The following TESK2 variants were observed in gnomAD, a reference collection of about 807,000 sequenced individuals.
The protein encoded by TESK2 is testis associated actin remodelling kinase 2.
A neutral mutation model predicts 57.1 loss-of-function variants in TESK2; 39 were observed. That is an observed-to-expected ratio of 0.68 (90% CI 0.53 to 0.89). TESK2 has a LOEUF of 0.89. Among genes scored for constraint, TESK2 ranks in the 40% least tolerant of loss-of-function variants. TESK2 has a pLI of 0.00. For missense variants in TESK2, 646 were observed against 732.1 expected, an observed-to-expected ratio of 0.88 and a Z score of 1.36; for synonymous variants, 249 against 267.9, an observed-to-expected ratio of 0.93 and a Z score of 0.69.
In TESK2 at chr1:45,409,690, T is replaced by C. The variant is rs76225611; in HGVS notation, c.344+12035A>G. 6.4e-4 allele frequency among the ~76,000 whole-genome samples: 97 copies of C among 152,246 alleles called. 1 individual carries two copies. Among genetic ancestry groups the C allele is most frequent in the Middle Eastern group, 3.4e-3 (1 of 294 alleles). On this transcript the variant is annotated intron_variant, in intron 3 of 10. Transcript: ENST00000372086. ...AAAGACTCAGGACATATTTTGAAGA[T>C]AATGCTGAACTACTTGATGGTTTGA...
intron 1 of TESK2, among the ~76,000 whole-genome samples, chr1:45,461,676 A>C (rs1484059930): frequency 6.6e-6 from 1 of 152,266 alleles, no homozygotes. Context: ...TATACAAAAC[A>C]TATGTAAAGT....
intron 1 of TESK2, among the ~76,000 whole-genome samples, chr1:45,466,984 T>C (rs548847916): frequency 2.7e-4 from 41 of 152,222 alleles, no homozygotes; most frequent in African/African-American, 9.4e-4. Context: ...AGATATTACA[T>C]ATTTATAGTG....
chr1:45,442,500 T>C (rs1651484629), intron 2 of TESK2, among the ~76,000 whole-genome samples: 1 of 152,142 alleles, frequency 6.6e-6, no homozygotes, highest in African/African-American at 2.4e-5. Flanking sequence ...CAAACAAAAC[T>C]AGGACTATTA....
In TESK2 at chr1:45,344,740, G is replaced by C. The variant is rs1222005509; in HGVS notation, c.*100C>G. 3 of 1,198,644 alleles carry C rather than the reference G, an allele frequency of 2.5e-6. No individual in the cohort carries two copies. The allele number at this position is 1,198,644 out of a possible 1,614,324, so 74.3% of individuals were successfully genotyped here. A position where few individuals can be genotyped will look rare whatever the true frequency, so the allele number is the denominator to read the frequency against. On this transcript the variant is annotated 3_prime_UTR_variant, in exon 11 of 11. Coordinates refer to ENST00000372086, the MANE Select transcript of TESK2 (RefSeq NM_007170.3). The stretch of plus-strand genomic sequence containing the variant: ...GAGCCTGGCTTGGCCTAGCCTGCCT[G>C]CTCTGTAGGCTCCAGGGAAGAATCA...
At chr1:45,369,592 T>C (rs565030868) in intron 4 of TESK2, among the ~76,000 whole-genome samples, 1 of 152,236 alleles carries the variant, frequency 6.6e-6, no homozygotes, top group East Asian at 1.9e-4. Flanking sequence ...GGAAACATTA[T>C]GATCAAATGA....
rs1647143363 is a variant in TESK2 at position 45,346,339 on chromosome 1, C to G, written c.880-345G>C. Among the ~76,000 whole-genome samples, 5 of 152,304 alleles carry G rather than the reference C, an allele frequency of 3.3e-5. No homozygotes were observed. The South Asian group carries it at 1.0e-3, about 32-fold the overall frequency. On this transcript the variant is annotated intron_variant, in intron 9 of 10. Transcript: ENST00000372086. ...GATCCTAACAGGTAAGGTCCAGCCC[C>G]AGAGCTACATACATGAAGGCCAAGA...
intron 3 of TESK2, among the ~76,000 whole-genome samples, chr1:45,400,775 AC>A (rs1193336321): frequency 1.3e-5 from 2 of 152,110 alleles, no homozygotes; most frequent in Non-Finnish European, 2.9e-5. Flanking sequence ...TAATCCCAGC[AC>A]TTTGGGAGGC....
chr1:45,360,250 T>C (rs549227568), intron 4 of TESK2, among the ~76,000 whole-genome samples: 36 of 152,298 alleles, frequency 2.4e-4, no homozygotes, highest in Admixed American at 5.2e-4. Flanking sequence ...TTCAGGGTTA[T>C]AAGTGGGCAG....
chr1:45,386,114 G>T (rs1252508063), intron 3 of TESK2, among the ~76,000 whole-genome samples, 154 bp from the exon 4 acceptor site: 3 of 152,052 alleles, frequency 2.0e-5, no homozygotes, highest in Non-Finnish European at 4.4e-5. Flanking sequence ...GGAGGCAGAG[G>T]TGTGCGGATC....
intron 3 of TESK2, among the ~76,000 whole-genome samples, chr1:45,411,017 AAC>A (rs1392203098): frequency 6.6e-6 from 1 of 152,220 alleles, no homozygotes; most frequent in Non-Finnish European, 1.5e-5. Flanking sequence ...ACCTTTGTAA[AAC>A]TAAGGAAAGG....
At chr1:45,383,143 T>C (rs936092104) in intron 4 of TESK2, among the ~76,000 whole-genome samples, 2 of 152,322 alleles carry the variant, frequency 1.3e-5, no homozygotes, top group Admixed American at 6.5e-5. Flanking sequence ...TCACATTACT[T>C]TGGAGGACAA....
intron 3 of TESK2, among the ~76,000 whole-genome samples, chr1:45,419,590 G>A (rs1414924984): frequency 1.3e-5 from 2 of 151,898 alleles, no homozygotes; most frequent in African/African-American, 2.4e-5. Context: ...TGGATTACCT[G>A]AGGTCAGGAG....
intron 1 of TESK2, among the ~76,000 whole-genome samples, chr1:45,458,594 G>T (rs970676745): frequency 6.6e-6 from 1 of 150,520 alleles, no homozygotes; most frequent in Non-Finnish European, 1.5e-5. Context: ...GAAGTGCAAA[G>T]CCTGTCTGAT....
At chr1:45,414,680 A>G (rs1650167728) in intron 3 of TESK2, among the ~76,000 whole-genome samples, 1 of 152,228 alleles carries the variant, frequency 6.6e-6, no homozygotes, top group African/African-American at 2.4e-5. Context: ...GTAGCAAAGC[A>G]AAGGCAAAGA....
At chr1:45,352,803 A>T (rs946476685) in intron 5 of TESK2, among the ~76,000 whole-genome samples, 3 of 152,218 alleles carry the variant, frequency 2.0e-5, no homozygotes, top group South Asian at 2.1e-4. Flanking sequence ...CTTCTATCTT[A>T]GAAAAAATGG....
intron 2 of TESK2, among the ~76,000 whole-genome samples, chr1:45,450,888 G>C (rs182655159): frequency 3.9e-5 from 6 of 152,052 alleles, no homozygotes; most frequent in Middle Eastern, 3.4e-3. Flanking sequence ...GGCTGGTCTT[G>C]AACTCTTGGA....
At chr1:45,372,900 T>C (rs2149270600) in intron 4 of TESK2, among the ~76,000 whole-genome samples, 1 of 151,568 alleles carries the variant, frequency 6.6e-6, no homozygotes, top group South Asian at 2.1e-4. Context: ...TAGTGGTGCA[T>C]GCCTGTAATC....
At chr1:45,407,565 G>A (rs1649894516) in intron 3 of TESK2, among the ~76,000 whole-genome samples, 2 of 152,102 alleles carry the variant, frequency 1.3e-5, no homozygotes, top group South Asian at 4.1e-4. Context: ...GGGACCTGGT[G>A]GGAGGTAATT....
At chr1:45,370,114 T>C (rs1368227072) in intron 4 of TESK2, among the ~76,000 whole-genome samples, 2 of 152,084 alleles carry the variant, frequency 1.3e-5, no homozygotes, top group Admixed American at 1.3e-4. Context: ...CAGTAAACAA[T>C]AAGAAATCCA....
Sources: gnomAD v4.1 joint callset for allele counts (sites outside exome capture counted in the v4.1 genomes callset) on GRCh38, gnomAD v4.1.1 for gene constraint, MANE v1.5 for transcripts, NCBI Gene and HGNC (gene_info 2026-07-23, HGNC 2026-07-21) for gene names.